The following SEMA3A variants were observed in gnomAD, a reference collection of about 807,000 sequenced individuals.
SEMA3A encodes semaphorin-3A.
Under a neutral mutation model 97.9 loss-of-function variants are expected in SEMA3A, and 29 were observed. The ratio of observed to expected loss-of-function variants is 0.30; its 90% CI spans 0.22 to 0.40. The LOEUF (loss-of-function observed/expected upper bound fraction) is 0.40, where lower values mean the gene tolerates loss of function less well. Among genes scored for constraint, SEMA3A ranks in the 10% least tolerant of loss-of-function variants. The probability of loss-of-function intolerance (pLI) is 1.00; values close to 1 mark genes in which losing one functional copy is unlikely to be tolerated. For missense variants in SEMA3A, 763 were observed against 951.3 expected (o/e 0.80, Z 2.60); for synonymous variants, 321 against 323.7 (o/e 0.99, Z 0.09).
At chr7:84,035,542 A>G (rs887560546) in intron 6 of SEMA3A, among the ~76,000 whole-genome samples, 1 of 152,076 alleles carries the variant, frequency 6.6e-6, no homozygotes, top group African/African-American at 2.4e-5. Flanking sequence ...ATAATCAAAG[A>G]AAAAATTAAA....
chr7:84,350,186 C>G (rs1347702284), intron 2 of SEMA3A, among the ~76,000 whole-genome samples: 2 of 152,212 alleles, frequency 1.3e-5, no homozygotes, highest in African/African-American at 4.8e-5. Context: ...TTAAATGTTT[C>G]TCATACCAAT....
chr7:84,409,054 A>T (rs956921278), intron 1 of SEMA3A, among the ~76,000 whole-genome samples: 18 of 148,864 alleles, frequency 1.2e-4, no homozygotes, highest in African/African-American at 2.7e-4. Context: ...TAATAATAAA[A>T]ATATATATAT....
intron 4 of SEMA3A, among the ~76,000 whole-genome samples, chr7:84,082,260 T>G (rs1794191525): frequency 6.6e-6 from 1 of 152,176 alleles, no homozygotes; most frequent in South Asian, 2.1e-4. Context: ...ATATTACATG[T>G]GTTTCATTCA....
At chr7:83,979,060 C>A (rs2116311518) in intron 14 of SEMA3A, among the ~76,000 whole-genome samples, 1 of 151,204 alleles carries the variant, frequency 6.6e-6, no homozygotes, top group South Asian at 2.1e-4. Context: ...TAGATTATTA[C>A]TAAATTAGGT....
intron 5 of SEMA3A, among the ~76,000 whole-genome samples, chr7:84,050,575 ATTTG>A (rs1400299122): frequency 6.6e-6 from 1 of 151,786 alleles, no homozygotes; most frequent in Non-Finnish European, 1.5e-5. Flanking sequence ...TTTCTTGTAA[ATTTG>A]TTTGAGTTCA....
At chr7:84,165,398 A>G (rs1797170651) in intron 1 of SEMA3A, among the ~76,000 whole-genome samples, 1 of 152,132 alleles carries the variant, frequency 6.6e-6, no homozygotes, top group South Asian at 2.1e-4. Flanking sequence ...TATATGGGGC[A>G]TTTAGGTAAC....
chr7:84,021,118 A>T (rs1791313328), intron 6 of SEMA3A, among the ~76,000 whole-genome samples: 1 of 152,190 alleles, frequency 6.6e-6, no homozygotes, highest in Admixed American at 6.5e-5. Context: ...AAACCTTGTC[A>T]GTTACATTAT....
intron 1 of SEMA3A, among the ~76,000 whole-genome samples, chr7:84,185,260 C>T (rs1255976528): frequency 6.6e-6 from 1 of 152,074 alleles, no homozygotes; most frequent in African/African-American, 2.4e-5. Flanking sequence ...CCAGAAGTGA[C>T]TTTTTTCTGT....
chr7:84,145,267 C>T (rs1796429273), intron 1 of SEMA3A, among the ~76,000 whole-genome samples: 1 of 152,154 alleles, frequency 6.6e-6, no homozygotes, highest in Non-Finnish European at 1.5e-5. Flanking sequence ...AGATTAATCA[C>T]TGCTTTATCT....
chr7:84,437,860 A>G (rs1048356784), intron 1 of SEMA3A, among the ~76,000 whole-genome samples: 40 of 152,172 alleles, frequency 2.6e-4, no homozygotes, highest in African/African-American at 9.1e-4. Context: ...CATATAAACT[A>G]TAATGCAGTC....
chr7:84,254,877 A>G (rs1361485494), intron 3 of SEMA3A, among the ~76,000 whole-genome samples: 2 of 152,190 alleles, frequency 1.3e-5, no homozygotes, highest in African/African-American at 4.8e-5. Context: ...ATGAACCAAA[A>G]GACATTTATA....
intron 2 of SEMA3A, among the ~76,000 whole-genome samples, chr7:84,314,896 GA>G (rs1295322465): frequency 6.6e-6 from 1 of 152,026 alleles, no homozygotes; most frequent in African/African-American, 2.4e-5. Flanking sequence ...TAAATGGGAG[GA>G]AAACAATGAA....
intron 6 of SEMA3A, among the ~76,000 whole-genome samples, chr7:84,037,422 G>A (rs1791980139): frequency 6.6e-6 from 1 of 151,964 alleles, no homozygotes; most frequent in Non-Finnish European, 1.5e-5. Flanking sequence ...TGACCTCCCA[G>A]GCTCAGGTGA....
intron 1 of SEMA3A, among the ~76,000 whole-genome samples, chr7:84,165,191 AG>A (rs978993440): frequency 2.0e-5 from 3 of 151,774 alleles, no homozygotes; most frequent in Admixed American, 6.6e-5. Context: ...TGGGTGTCAG[AG>A]TGAGTCCTCG....
At chr7:84,382,437 T>C (rs969460086) in intron 1 of SEMA3A, among the ~76,000 whole-genome samples, 1 of 151,694 alleles carries the variant, frequency 6.6e-6, no homozygotes, top group Non-Finnish European at 1.5e-5. Context: ...AATGATATAT[T>C]TTAGATATTA....
rs1790494491 is a variant in SEMA3A, at chr7:84,002,364, CT to C, written c.1361-319del. The stretch of plus-strand genomic sequence containing the variant: ...ATATAATAATTATTACAGAGATTGC[CT>C]GGATTGGATCAATTCTTTTCATTAT... On this transcript the variant is annotated intron_variant, in intron 11 of 16. Coordinates refer to ENST00000265362, the MANE Select transcript of SEMA3A (RefSeq NM_006080.3). Among the ~76,000 whole-genome samples, 3 of 152,214 alleles carry C rather than the reference CT, an allele frequency of 2.0e-5. No homozygotes were observed. The South Asian group carries it at 6.2e-4, about 32-fold the overall frequency.
Position 84,226,772 on chromosome 7 carries a change from C to T in SEMA3A, c.-82-32104G>A, listed in dbSNP as rs148558258. The stretch of plus-strand genomic sequence containing the variant: ...TAACCAATATCTGAAGTTCAAAAAG[C>T]AAGATAATTTTGGTATACAGTTTTC... On this transcript the variant is annotated intron_variant, in intron 3 of 3. Coordinates refer to the SEMA3A transcript ENST00000424555. 3.9e-5 allele frequency among the ~76,000 whole-genome samples: 6 copies of T among 152,094 alleles called. No individual in the cohort carries two copies. The East Asian group carries it at 1.2e-3, about 29-fold the overall frequency.
intron 1 of SEMA3A, among the ~76,000 whole-genome samples, chr7:84,384,650 G>A (rs538227282): frequency 6.6e-6 from 1 of 152,268 alleles, no homozygotes; most frequent in East Asian, 1.9e-4. Flanking sequence ...TCATGTGACT[G>A]TGTCATCTCT....
intron 3 of SEMA3A, among the ~76,000 whole-genome samples, chr7:84,234,816 G>A (rs564304697): frequency 1.3e-5 from 2 of 151,984 alleles, no homozygotes; most frequent in African/African-American, 2.4e-5. Flanking sequence ...TCTGCCTGCC[G>A]TGTGTGTGCC....
Sources: gnomAD v4.1 joint callset for allele counts (sites outside exome capture counted in the v4.1 genomes callset) on GRCh38, gnomAD v4.1.1 for gene constraint, MANE v1.5 for transcripts, NCBI Gene and HGNC (gene_info 2026-07-23, HGNC 2026-07-21) for gene names.